Variants in PLEKHA7 observed in about 807,000 individuals in gnomAD.
PLEKHA7 encodes the protein pleckstrin homology domain-containing family A member 7.
In PLEKHA7, 104 loss-of-function variants were observed where a neutral mutation model predicts 170.0. That is an observed-to-expected ratio of 0.61 (90% CI 0.52 to 0.72). The LOEUF (loss-of-function observed/expected upper bound fraction) is 0.72, where lower values mean the gene tolerates loss of function less well. Among genes scored for constraint, PLEKHA7 ranks in the 30% least tolerant of loss-of-function variants. The pLI, the probability that PLEKHA7 is intolerant of heterozygous loss-of-function variation, is 0.00. For missense variants in PLEKHA7, 1,615 were observed against 1,671.7 expected (o/e 0.97, Z 0.59); for synonymous variants, 648 against 660.8 (o/e 0.98, Z 0.30).
chr11:16,794,473 G>A lies in PLEKHA7; in HGVS notation c.2745+15C>T, dbSNP rs143759115. On this transcript the variant is annotated intron_variant, in intron 19 of 26. Coordinates refer to ENST00000531066, the MANE Select transcript of PLEKHA7 (RefSeq NM_001329630.2). The stretch of plus-strand genomic sequence containing the variant: ...AGGAAACAATGGCATTCAGCTCCTA[G>A]TTATCACTACTTACAACTTTGGGCT... 6.4e-4 allele frequency: 1,023 copies of A among 1,603,288 alleles called. 4 individuals carry two copies. The African/African-American group carries it at 6.5e-3, about 10-fold the overall frequency.
intron 3 of PLEKHA7, among the ~76,000 whole-genome samples, chr11:16,988,324 T>C (rs886669488): frequency 3.3e-5 from 5 of 152,164 alleles, no homozygotes; most frequent in African/African-American, 1.2e-4. Context: ...GGGAGCCACA[T>C]CCAGAGCAGC....
At position 16,791,305 on chromosome 11, in the gene PLEKHA7, A is replaced by G. The variant is rs1022806609; in HGVS notation, c.2746-106T>C. On this transcript the variant is annotated intron_variant, in intron 19 of 26. Coordinates refer to ENST00000531066, the MANE Select transcript of PLEKHA7 (RefSeq NM_001329630.2). The surrounding 1 kb of genome is among the most constrained non-coding windows in gnomAD (Gnocchi z 4.5). ...TTAAAGGGTAGGAACAGGCCACATC[A>G]GAGCCACAGAACATGACTGCCTCAG... 8 of 1,097,624 alleles carry G rather than the reference A, an allele frequency of 7.3e-6. No individual in the cohort carries two copies. The highest frequency in any genetic ancestry group is 1.0e-5 in the Non-Finnish European group (8 of 774,952). 68.0% of individuals were successfully genotyped at this position (1,097,624 alleles called of 1,614,324 possible).
rs74376314 is a variant in PLEKHA7 at position 16,980,247 on chromosome 11, C to T, written c.221+33742G>A. On this transcript the variant is annotated intron_variant, in intron 3 of 26. Coordinates refer to ENST00000531066, the MANE Select transcript of PLEKHA7 (RefSeq NM_001329630.2). ...TGCTGAGCCCTCGCAGCATGTCAGA[C>T]ACTGTACTCAAGGCTTTGTGTGGAT... is the stretch of plus-strand genomic sequence containing the variant. 2.3e-3 allele frequency among the ~76,000 whole-genome samples: 354 copies of T among 152,348 alleles called. 3 individuals are homozygous for T. The East Asian group carries it at 0.027, about 12-fold the overall frequency.
intron 3 of PLEKHA7, among the ~76,000 whole-genome samples, chr11:16,965,981 G>A (rs1028996989): frequency 1.1e-4 from 16 of 152,090 alleles, no homozygotes; most frequent in African/African-American, 3.4e-4. Context: ...TCAGGAGTTC[G>A]AGACCAGCCT....
intron 19 of PLEKHA7, among the ~76,000 whole-genome samples, chr11:16,794,183 C>G (rs1848051954): frequency 1.3e-5 from 2 of 151,946 alleles, no homozygotes; most frequent in South Asian, 4.2e-4. Flanking sequence ...CAGCCACACA[C>G]CTCTCTGCAG....
intron 3 of PLEKHA7, among the ~76,000 whole-genome samples, chr11:16,996,567 A>ATAACCTGC (rs1201875134): frequency 1.3e-5 from 2 of 152,216 alleles, no homozygotes; most frequent in African/African-American, 4.8e-5. Flanking sequence ...AACCTGCAGG[A>ATAACCTGC]AGGAAGTCAA....
chr11:16,842,868 G>A (rs1852084654), intron 8 of PLEKHA7, among the ~76,000 whole-genome samples: 1 of 152,214 alleles, frequency 6.6e-6, no homozygotes, highest in Non-Finnish European at 1.5e-5. Flanking sequence ...TTGAGAGGTG[G>A]AGACAGAATC....
Position 16,794,926 on chromosome 11 carries a change from C to T in PLEKHA7, c.2502G>A (p.Glu834=), listed in dbSNP as rs780757763. Residue 834 remains glutamate, a synonymous_variant, in exon 18 of 27, where the codon GAG becomes GAA. Coordinates refer to ENST00000531066, the MANE Select transcript of PLEKHA7 (RefSeq NM_001329630.2). ...ACATCTCACCCGGATTTTTTACTGA[C>T]TCCACTAGAATTCTGAAGTTCTCTT... The part of the protein sequence containing the change: ...ANKENFRILV[E]SVKNPERKTV... 27 of 1,611,800 alleles carry T rather than the reference C, an allele frequency of 1.7e-5. No homozygotes were observed. The highest frequency in any genetic ancestry group is 2.2e-5 in the Non-Finnish European group (26 of 1,178,330).
chr11:16,969,518 A>G (rs1862581689), intron 3 of PLEKHA7, among the ~76,000 whole-genome samples: 1 of 152,154 alleles, frequency 6.6e-6, no homozygotes, highest in African/African-American at 2.4e-5. Context: ...CCAATTCTAC[A>G]TATTGCAATA....
intron 3 of PLEKHA7, among the ~76,000 whole-genome samples, chr11:16,950,219 G>A (rs1861317100): frequency 6.6e-6 from 1 of 152,084 alleles, no homozygotes; most frequent in Non-Finnish European, 1.5e-5. Flanking sequence ...TAGAATCTGT[G>A]AGGCAAGAAA....
chr11:16,888,045 AC>A (rs1352909251), intron 3 of PLEKHA7, among the ~76,000 whole-genome samples: 3 of 133,024 alleles, frequency 2.3e-5, no homozygotes, highest in Non-Finnish European at 4.8e-5. Context: ...CCTGGCCGCC[AC>A]CCCGTTCTGG....
chr11:16,836,852 C>T (rs1489098815), intron 9 of PLEKHA7, among the ~76,000 whole-genome samples: 3 of 149,444 alleles, frequency 2.0e-5, no homozygotes, highest in African/African-American at 7.4e-5. Flanking sequence ...GAGACAAAGT[C>T]TCACTCTGTC....
At chr11:16,927,051 C>A (rs1343995317) in intron 3 of PLEKHA7, among the ~76,000 whole-genome samples, 1 of 129,538 alleles carries the variant, frequency 7.7e-6, no homozygotes, top group Non-Finnish European at 1.8e-5. Flanking sequence ...CGCTAGCCCG[C>A]AGCCATAGCT....
intron 3 of PLEKHA7, among the ~76,000 whole-genome samples, chr11:16,969,756 C>T (rs1300224937): frequency 6.6e-6 from 1 of 152,156 alleles, no homozygotes; most frequent in Admixed American, 6.5e-5. Context: ...GAAGGCAGGG[C>T]CCCCAAAATG....
chr11:16,826,068 C>T, intron 10 of PLEKHA7, 52 bp downstream of exon 10: 1 of 1,541,990 alleles, frequency 6.5e-7, no homozygotes, highest in Non-Finnish European at 8.9e-7. Flanking sequence ...ACAGCTCTTG[C>T]CACTACATTA....
chr11:16,885,344 A>AAC (rs1856004481), intron 3 of PLEKHA7, among the ~76,000 whole-genome samples: 1 of 151,586 alleles, frequency 6.6e-6, no homozygotes, highest in African/African-American at 2.4e-5. Context: ...AAAAAAAAAA[A>AAC]ATTCATATGT....
chr11:16,959,557 T>C (rs1217764586), intron 3 of PLEKHA7, among the ~76,000 whole-genome samples: 1 of 152,042 alleles, frequency 6.6e-6, no homozygotes, highest in East Asian at 1.9e-4. Flanking sequence ...CCATAGTGAA[T>C]CAAGTTTGAA....
intron 3 of PLEKHA7, among the ~76,000 whole-genome samples, chr11:16,907,066 A>C: frequency 7.0e-6 from 1 of 142,776 alleles, no homozygotes; most frequent in South Asian, 2.4e-4. Context: ...TCCGTCTGGG[A>C]AGCGAGGAGC....
chr11:16,938,452 T>C (rs943209846), intron 3 of PLEKHA7, among the ~76,000 whole-genome samples: 4 of 152,222 alleles, frequency 2.6e-5, no homozygotes, highest in Admixed American at 1.3e-4. Context: ...TTAATACATT[T>C]AGTGAACTTA....
Sources: allele counts gnomAD v4.1 joint callset (sites outside exome capture counted in the v4.1 genomes callset), GRCh38; gene constraint gnomAD v4.1.1; non-coding constraint Gnocchi (gnomAD v3.1); transcripts MANE v1.5; gene names NCBI Gene and HGNC (gene_info 2026-07-23, HGNC 2026-07-21).